The following ADARB2 variants were observed in gnomAD, a reference collection of about 807,000 sequenced individuals.
ADARB2 encodes the protein inactive double-stranded RNA-specific editase B2.
In ADARB2, 25 loss-of-function variants were observed where a neutral mutation model predicts 62.2. The ratio of observed to expected loss-of-function variants is 0.40; its 90% confidence interval spans 0.29 to 0.56. The LOEUF is 0.56. ADARB2 is among the 20% of genes least tolerant of loss of function. The pLI is 0.43. For synonymous variants in ADARB2, 572 were observed against 500.8 expected (o/e 1.14, Z -1.90); for missense variants, 1,071 against 1,077.4 (o/e 0.99, Z 0.08).
At chr10:1,731,238 C>T (rs1835228447) in intron 1 of ADARB2, among the ~76,000 whole-genome samples, 1 of 152,156 alleles carries the variant, frequency 6.6e-6, no homozygotes, top group Non-Finnish European at 1.5e-5. Flanking sequence ...GGCCTACGAG[C>T]CCTGTTTGCT....
intron 1 of ADARB2, among the ~76,000 whole-genome samples, chr10:1,428,039 C>G (rs547221957): frequency 6.6e-6 from 1 of 150,898 alleles, no homozygotes; most frequent in Non-Finnish European, 1.5e-5. Flanking sequence ...ATCTTGATCT[C>G]GGCTCACTGC....
chr10:1,586,903 G>A (rs191907538), intron 1 of ADARB2, among the ~76,000 whole-genome samples: 258 of 152,262 alleles, frequency 1.7e-3, no homozygotes, highest in African/African-American at 5.6e-3. Flanking sequence ...GAAATACAAT[G>A]TAATGAAATC....
At chr10:1,387,214 A>G (rs1291989859) in intron 1 of ADARB2, among the ~76,000 whole-genome samples, 1 of 152,010 alleles carries the variant, frequency 6.6e-6, no homozygotes, top group Admixed American at 6.5e-5. Flanking sequence ...AGCTAAAAAA[A>G]GAGAGTACAT....
intron 1 of ADARB2, among the ~76,000 whole-genome samples, chr10:1,413,182 AGTT>A (rs761256585): frequency 1.2e-4 from 19 of 152,102 alleles, no homozygotes; most frequent in Non-Finnish European, 2.5e-4. Flanking sequence ...CCACTTGAGC[AGTT>A]GTTGTATGGT....
intron 3 of ADARB2, among the ~76,000 whole-genome samples, chr10:1,323,419 G>A (rs1831814165): frequency 6.6e-6 from 1 of 152,108 alleles, no homozygotes; most frequent in African/African-American, 2.4e-5. Flanking sequence ...ATAGTGTGGT[G>A]CAATTCTTAA....
At chr10:1,611,388 G>C (rs979347355) in intron 1 of ADARB2, among the ~76,000 whole-genome samples, 1 of 152,196 alleles carries the variant, frequency 6.6e-6, no homozygotes, top group Non-Finnish European at 1.5e-5. Flanking sequence ...CAGTATATCT[G>C]ATCCAAGGGG....
At chr10:1,183,758 C>T (rs1836712269) in intron 9 of ADARB2, among the ~76,000 whole-genome samples, 1 of 152,232 alleles carries the variant, frequency 6.6e-6, no homozygotes, top group South Asian at 2.1e-4. Flanking sequence ...TGGGGCGTTT[C>T]CTCTGTTAGC....
chr10:1,366,738 G>C (rs970518245), intron 2 of ADARB2, among the ~76,000 whole-genome samples: 1 of 152,100 alleles, frequency 6.6e-6, no homozygotes, highest in Non-Finnish European at 1.5e-5. Flanking sequence ...CCCTTTTCTG[G>C]GCCCTCTGGA....
chr10:1,516,918 G>A (rs986208424), intron 1 of ADARB2, among the ~76,000 whole-genome samples: 10 of 152,172 alleles, frequency 6.6e-5, no homozygotes, highest in African/African-American at 9.7e-5. Context: ...AGCCTTTCAC[G>A]TGCTGGGTTT....
At position 1,540,483 on chromosome 10, in the gene ADARB2, C is replaced by CGCA. The variant is rs1564322827; in HGVS notation, c.101-161324_101-161323insTGC. Reference sequence around the variant, plus strand: ...CACAGCCGCCCAGACCCCACTCAGACGTAGTTCAGACCCTGGATCACAGCC... The same window carrying CGCA: ...CACAGCCGCCCAGACCCCACTCAGACGCAGTAGTTCAGACCCTGGATCACAGCC... On this transcript the variant is annotated intron_variant, in intron 1 of 9. Coordinates refer to ENST00000381312, the MANE Select transcript of ADARB2 (RefSeq NM_018702.4). Among the ~76,000 whole-genome samples the CGCA allele has an allele frequency of 3.6e-4, 51 of 142,316 alleles. 20 individuals carry two copies. Among genetic ancestry groups the CGCA allele is most frequent in the East Asian group, 1.3e-3 (6 of 4,788 alleles). 93.4% of individuals were successfully genotyped at this position (142,316 alleles called of 152,430 possible).
intron 1 of ADARB2, among the ~76,000 whole-genome samples, chr10:1,621,260 T>C (rs1056301341): frequency 7.2e-5 from 11 of 152,328 alleles, no homozygotes; most frequent in Non-Finnish European, 5.9e-5. Context: ...TAGTAGGTAT[T>C]TTAGCAAGAT....
At chr10:1,709,069 T>C (rs758089614) in intron 1 of ADARB2, among the ~76,000 whole-genome samples, 2 of 152,182 alleles carry the variant, frequency 1.3e-5, no homozygotes, top group East Asian at 3.9e-4. Flanking sequence ...GCTGACCCCA[T>C]TGATCTAAAC....
intron 3 of ADARB2, among the ~76,000 whole-genome samples, chr10:1,347,259 G>T (rs983149276): frequency 2.6e-5 from 4 of 152,192 alleles, no homozygotes; most frequent in African/African-American, 7.2e-5. Flanking sequence ...TCATAAAGTT[G>T]CAGTGAGTCG....
At position 1,398,218 on chromosome 10, in the gene ADARB2, C is replaced by A. The variant is rs1157886982; in HGVS notation, c.101-19058G>T. On this transcript the variant is annotated intron_variant, in intron 1 of 9. Transcript: ENST00000381312. The surrounding 1 kb of genome is among the most constrained non-coding windows in gnomAD (Gnocchi z 4.1). The stretch of plus-strand genomic sequence containing the variant: ...CTTCCTGGGTCACCATCAGTCTCTC[C>A]CCTCCCGAGTGCAGGCTTCCTGGGT... Among the ~76,000 whole-genome samples, 1 of 151,162 alleles carries A rather than the reference C, an allele frequency of 6.6e-6. No individual in the cohort carries two copies. The highest frequency in any genetic ancestry group is 2.4e-5 in the African/African-American group (1 of 41,058).
chr10:1,407,828 C>A (rs1042809096), intron 1 of ADARB2, among the ~76,000 whole-genome samples: 2 of 152,212 alleles, frequency 1.3e-5, no homozygotes, highest in African/African-American at 4.8e-5. Flanking sequence ...GGCCCTCCTT[C>A]CCCTCTGCAT....
chr10:1,388,108 A>T (rs893270625), intron 1 of ADARB2, among the ~76,000 whole-genome samples: 1 of 152,092 alleles, frequency 6.6e-6, no homozygotes, highest in African/African-American at 2.4e-5. Context: ...AGAAAGATAC[A>T]CCATTTTCAC....
intron 1 of ADARB2, among the ~76,000 whole-genome samples, chr10:1,501,967 G>A (rs1290218503): frequency 1.3e-5 from 2 of 152,162 alleles, no homozygotes; most frequent in South Asian, 2.1e-4. Context: ...CACTGCACCC[G>A]GTACCAAAGC....
intron 1 of ADARB2, among the ~76,000 whole-genome samples, chr10:1,658,340 T>G (rs572884981): frequency 6.3e-4 from 95 of 151,540 alleles, no homozygotes; most frequent in African/African-American, 2.3e-3. Context: ...TCTGTCTCTA[T>G]CTGATTCTCT....
intron 3 of ADARB2, among the ~76,000 whole-genome samples, chr10:1,326,603 A>C (rs539160658): frequency 3.3e-4 from 50 of 152,348 alleles, no homozygotes; most frequent in African/African-American, 1.2e-3. Context: ...AAGCCGAGGA[A>C]GATGGAGGAG....
Sources: allele counts gnomAD v4.1 joint callset (sites outside exome capture counted in the v4.1 genomes callset), GRCh38; gene constraint gnomAD v4.1.1; non-coding constraint Gnocchi (gnomAD v3.1); transcripts MANE v1.5; gene names NCBI Gene and HGNC (gene_info 2026-07-23, HGNC 2026-07-21).